The following FSCN2 variants were observed in gnomAD, a reference collection of about 807,000 sequenced individuals.
FSCN2 encodes the protein fascin-2.
FSCN2 carries 46 observed loss-of-function variants against 37.8 expected under a neutral mutation model. The ratio of observed to expected loss-of-function variants is 1.22; its 90% CI spans 0.96 to 1.56. The LOEUF is 1.56. Ranked by LOEUF, FSCN2 falls within the 40% of genes most tolerant of loss-of-function variation. The pLI, the probability that FSCN2 is intolerant of heterozygous loss-of-function variation, is 0.00. For synonymous variants in FSCN2, 351 were observed against 309.4 expected (o/e 1.13, Z -1.41); for missense variants, 844 against 730.4 (o/e 1.16, Z -1.79).
intron 1 of FSCN2, among the ~76,000 whole-genome samples, chr17:81,531,357 A>G (rs201403799): frequency 0.45 from 41,682 of 93,614 alleles, 7,771 homozygotes; most frequent in East Asian, 0.78. Context: ...GATGATGGTG[A>G]TGGTGATGAT....
intron 3 of FSCN2, 67 bp downstream of exon 3, chr17:81,536,334 A>G (rs1234092681): frequency 7.2e-6 from 11 of 1,535,720 alleles, no homozygotes; most frequent in Middle Eastern, 1.9e-4. Context: ...ACCTGCCCAG[A>G]CACCCCATCT....
intron 1 of FSCN2, among the ~76,000 whole-genome samples, chr17:81,531,204 GTGGTGATGGTGGTGATGGTGATAA>G (rs1568076820): frequency 1.3e-4 from 13 of 99,370 alleles, no homozygotes; most frequent in Non-Finnish European, 2.2e-4. Context: ...GGTGGTGATG[GTGGTGATGGTGGTGATGGTGATAA>G]TGGTGATGGT....
intron 1 of FSCN2, among the ~76,000 whole-genome samples, chr17:81,531,393 AT>A (rs2032577703): frequency 4.1e-5 from 3 of 73,760 alleles, no homozygotes; most frequent in Admixed American, 1.3e-4. Flanking sequence ...GGTGATGGTG[AT>A]GATGGTGATG....
chr17:81,536,424 T>G (rs1186302009), intron 3 of FSCN2, 157 bp downstream of exon 3: 31 of 1,456,470 alleles, frequency 2.1e-5, no homozygotes, highest in African/African-American at 1.1e-4. Flanking sequence ...ATAACTCGTC[T>G]TGGCAAGGGA....
intron 1 of FSCN2, among the ~76,000 whole-genome samples, chr17:81,531,705 A>ATAG (rs2032622059): frequency 2.1e-5 from 1 of 47,106 alleles, no homozygotes; most frequent in Non-Finnish European, 4.0e-5. Context: ...GATGGTGATG[A>ATAG]TGATAGTGAT....
In FSCN2 at chr17:81,528,620, G is replaced by T; in HGVS notation, c.89G>T (p.Gly30Val). The change falls in exon 1 of 5, where the codon GGC becomes GTC. Residue 30 changes from glycine (G) to valine (V), a missense_variant. Coordinates refer to ENST00000417245, the MANE Select transcript of FSCN2 (RefSeq NM_012418.4). ...CGCTACCTGACAGCTGAGAGCTTCG[G>T]CTTCAAGGTCAATGCCTCGGCACCC... ...TDRYLTAESFGFKVNASAPSL... is the reference protein window; with the variant it reads ...TDRYLTAESFVFKVNASAPSL... 1.2e-6 allele frequency: 2 copies of T among 1,607,078 alleles called. No individual in the cohort carries two copies. Among genetic ancestry groups the T allele is most frequent in the Non-Finnish European group, 1.7e-6 (2 of 1,177,344 alleles).
At chr17:81,522,683 G>A in the FSCN2 span, among the ~76,000 whole-genome samples, 1 of 151,758 alleles carries the variant, frequency 6.6e-6, no homozygotes, top group East Asian at 1.9e-4. Flanking sequence ...ATGCAGGTTC[G>A]CAGGGGCTGG....
In FSCN2 at chr17:81,536,867, T is replaced by G. The variant is rs1459073608; in HGVS notation, c.1274-8T>G. ...GGGCACCCCCGCCGACGCCGTCCCG[T>G]CCCCCAGGCCGCGACGGAGGGTTCT... On this transcript the variant is annotated splice_polypyrimidine_tract_variant and splice_region_variant and intron_variant, in intron 4 of 4. Transcript: ENST00000417245. 1.3e-6 allele frequency: 2 copies of G among 1,564,168 alleles called. No homozygotes were observed. Among genetic ancestry groups the G allele is most frequent in the African/African-American group, 2.7e-5 (2 of 72,778 alleles).
chr17:81,516,213 G>A, the FSCN2 span, among the ~76,000 whole-genome samples: 4 of 152,266 alleles, frequency 2.6e-5, no homozygotes, highest in Non-Finnish European at 5.9e-5. Context: ...AGTGGTGGAA[G>A]AACTAGCAAA....
chr17:81,525,425 C>CAAAAAAAAAAAA (rs1202765459), upstream of FSCN2, among the ~76,000 whole-genome samples: 61 of 47,860 alleles, frequency 1.3e-3, 2 homozygotes, highest in Non-Finnish European at 1.6e-3. Context: ...GACTCTGTCT[C>CAAAAAAAAAAAA]AAAAAAAAAA....
rs782333124 is a variant in FSCN2, at chr17:81,529,204, G to A, written c.673G>A (p.Asp225Asn). 17 of 1,597,260 alleles carry A rather than the reference G, an allele frequency of 1.1e-5. No homozygotes were observed. Among genetic ancestry groups the A allele is most frequent in the Admixed American group, 3.5e-5 (2 of 57,770 alleles). The change falls in exon 1 of 5, where the codon GAC becomes AAC. Residue 225 changes from aspartate (D) to asparagine (N), a missense_variant. Asp to Asn is a conservative substitution (Grantham distance 23). Transcript: ENST00000417245. Reference protein sequence around the residue: ...KAGKLAFKDCDGHYLAPVGPA... With the variant: ...KAGKLAFKDCNGHYLAPVGPA... ...GGGCAAGCTGGCCTTCAAGGACTGCGACGGCCACTACCTGGCACCCGTGGG... is the reference window on the plus strand; with the variant it reads ...GGGCAAGCTGGCCTTCAAGGACTGCAACGGCCACTACCTGGCACCCGTGGG...
chr17:81,531,995 GGTGGTGGTGATGGTA>G (rs1436445677), intron 1 of FSCN2, among the ~76,000 whole-genome samples: 7 of 141,006 alleles, frequency 5.0e-5, no homozygotes, highest in Admixed American at 3.5e-4. Context: ...TGATGGTGAT[GGTGGTGGTGATGGTA>G]GTGGTGGTGA....
the FSCN2 span, among the ~76,000 whole-genome samples, chr17:81,517,111 T>G: frequency 6.6e-6 from 1 of 152,012 alleles, no homozygotes; most frequent in Admixed American, 6.5e-5. Flanking sequence ...GGGGCTTGAA[T>G]GCACACAGAC....
At position 81,535,117 on chromosome 17, in the gene FSCN2, C is replaced by G; in HGVS notation, c.892C>G (p.Gln298Glu). ...CGAGACCTTCCTGATGCAAATTGAC[C>G]AGGAGACAAAGAAGTGCACCTTCTA... Reference protein sequence around the residue: ...DHETFLMQIDQETKKCTFYSS... With the variant: ...DHETFLMQIDEETKKCTFYSS... Residue 298 changes from glutamine (Q) to glutamate (E), a missense_variant, in exon 2 of 5, where the codon CAG (glutamine) becomes GAG (glutamate). Transcript: ENST00000417245. The G allele has an allele frequency of 6.5e-7, 1 of 1,533,938 alleles. No homozygotes were observed. The highest frequency in any genetic ancestry group is 8.7e-7 in the Non-Finnish European group (1 of 1,145,190).
intron 1 of FSCN2, among the ~76,000 whole-genome samples, chr17:81,532,067 AGTG>A (rs2032668027): frequency 5.3e-5 from 2 of 37,420 alleles, no homozygotes; most frequent in Non-Finnish European, 5.3e-5. Context: ...TGGTGATGAT[AGTG>A]ATGGTGGTGA....
At chr17:81,529,430 G>A in intron 1 of FSCN2, 73 bp downstream of exon 1, 1 of 1,136,828 alleles carries the variant, frequency 8.8e-7, no homozygotes, top group Non-Finnish European at 1.3e-6. Context: ...GGCCGTGGGG[G>A]TCTCACGGGG....
chr17:81,522,756 G>A, the FSCN2 span, among the ~76,000 whole-genome samples: 16 of 152,226 alleles, frequency 1.1e-4, no homozygotes, highest in Admixed American at 1.0e-3. Flanking sequence ...TCTGTGGTGT[G>A]CCCCTGTGTG....
intron 1 of FSCN2, among the ~76,000 whole-genome samples, chr17:81,532,809 G>C (rs1201910479): frequency 6.6e-6 from 1 of 151,824 alleles, no homozygotes; most frequent in East Asian, 1.9e-4. Context: ...GATGGGGACT[G>C]TATGGACCAT....
chr17:81,535,308 A>ATCTCTATCT lies in FSCN2; in HGVS notation c.983+100_983+101insTCTCTATCT, dbSNP rs1568081699. On this transcript the variant is annotated intron_variant, in intron 2 of 4. Coordinates refer to ENST00000417245, the MANE Select transcript of FSCN2 (RefSeq NM_012418.4). ...CATCCGCATCCCCATCTCCATCCCC[A>ATCTCTATCT]CCACCCCCACCCCCACCAGCCCCAT... 20 of 495,094 alleles carry ATCTCTATCT rather than the reference A, an allele frequency of 4.0e-5. No homozygotes were observed. In the African/African-American group the frequency reaches 7.5e-4, roughly 19 times the overall value. 30.7% of individuals were successfully genotyped at this position (495,094 alleles called of 1,614,324 possible).
Sources: gnomAD v4.1 joint callset for allele counts (sites outside exome capture counted in the v4.1 genomes callset) on GRCh38, gnomAD v4.1.1 for gene constraint, MANE v1.5 for transcripts, NCBI Gene and HGNC (gene_info 2026-07-23, HGNC 2026-07-21) for gene names.